Variants in TAFA1 observed in about 807,000 individuals in gnomAD.
The protein encoded by TAFA1 is chemokine-like protein TAFA-1.
A neutral mutation model predicts 18.5 loss-of-function variants in TAFA1; 4 were observed. The observed-to-expected ratio is 0.22, with a 90% CI of 0.11 to 0.49. TAFA1 has a LOEUF of 0.49. Ranked by LOEUF, TAFA1 falls within the 20% of genes least tolerant of loss-of-function variation. The pLI, the probability that TAFA1 is intolerant of heterozygous loss-of-function variation, is 0.98. For synonymous variants in TAFA1, 56 were observed against 55.2 expected, an observed-to-expected ratio of 1.01 and a Z score of -0.06; for missense variants, 147 against 169.0, an observed-to-expected ratio of 0.87 and a Z score of 0.72.
At chr3:68,474,346 C>T (rs2072052769) in intron 3 of TAFA1, among the ~76,000 whole-genome samples, 2 of 152,176 alleles carry the variant, frequency 1.3e-5, no homozygotes, top group African/African-American at 4.8e-5. Flanking sequence ...AAACACTTGT[C>T]CATTCATCCA....
At chr3:68,423,689 G>T (rs2071002350) in intron 3 of TAFA1, among the ~76,000 whole-genome samples, 1 of 151,736 alleles carries the variant, frequency 6.6e-6, no homozygotes, top group African/African-American at 2.4e-5. Context: ...ATTGTTTAAG[G>T]CATAGTGGGA....
intron 2 of TAFA1, among the ~76,000 whole-genome samples, chr3:68,354,880 C>A (rs1284949838): frequency 6.6e-6 from 1 of 151,974 alleles, no homozygotes; most frequent in Non-Finnish European, 1.5e-5. Flanking sequence ...TTCAAGAGGG[C>A]AGAGCCTTTA....
intron 2 of TAFA1, among the ~76,000 whole-genome samples, chr3:68,043,896 C>A (rs144627655): frequency 1.3e-5 from 2 of 151,508 alleles, no homozygotes; most frequent in South Asian, 4.2e-4. Flanking sequence ...GCACAATGTG[C>A]GGGTTTGTTA....
intron 2 of TAFA1, among the ~76,000 whole-genome samples, chr3:68,017,409 G>A (rs974278242): frequency 6.6e-6 from 1 of 152,182 alleles, no homozygotes; most frequent in African/African-American, 2.4e-5. Flanking sequence ...TCTATCACCA[G>A]CTTAGGTTAA....
Position 68,004,383 on chromosome 3 carries a change from C to G in TAFA1, c.-323C>G, listed in dbSNP as rs544091791. The G allele has an allele frequency of 6.6e-6, 1 of 152,228 alleles. No individual in the cohort carries two copies. Among genetic ancestry groups the G allele is most frequent in the African/African-American group, 2.4e-5 (1 of 41,534 alleles). 9.4% of individuals were successfully genotyped at this position (152,228 alleles called of 1,614,324 possible). On this transcript the variant is annotated 5_prime_UTR_variant, in exon 1 of 5. The change creates a new upstream start codon in the 5' untranslated region. Coordinates refer to ENST00000478136, the MANE Select transcript of TAFA1 (RefSeq NM_213609.4). ...TTCTCATCAGGAAACTGCACATTAT[C>G]TCCCCATCACTTCAAAGGTCTCGTC...
intron 2 of TAFA1, among the ~76,000 whole-genome samples, chr3:68,015,694 AC>A (rs1358523006): frequency 6.6e-6 from 1 of 152,198 alleles, no homozygotes; most frequent in African/African-American, 2.4e-5. Flanking sequence ...TTAATTTAAT[AC>A]TTTATGAAAG....
intron 2 of TAFA1, chr3:68,250,741 A>G (rs1008218224): frequency 9.2e-5 from 14 of 151,680 alleles, no homozygotes; most frequent in Admixed American, 5.9e-4. Flanking sequence ...AATTAGCTAA[A>G]TTGGGCAAGC....
intron 3 of TAFA1, among the ~76,000 whole-genome samples, chr3:68,526,366 C>G (rs190074675): frequency 3.9e-5 from 6 of 152,212 alleles, no homozygotes; most frequent in African/African-American, 1.4e-4. Flanking sequence ...TCAATCTTCT[C>G]TAGTGGGAGT....
At chr3:68,325,808 T>C (rs2068767552) in intron 2 of TAFA1, among the ~76,000 whole-genome samples, 1 of 152,166 alleles carries the variant, frequency 6.6e-6, no homozygotes, top group African/African-American at 2.4e-5. Flanking sequence ...TCTGTAAGAA[T>C]CCCAGAGGCT....
chr3:68,267,594 A>G (rs1157737007), intron 2 of TAFA1, among the ~76,000 whole-genome samples: 1 of 152,170 alleles, frequency 6.6e-6, no homozygotes, highest in Non-Finnish European at 1.5e-5. Context: ...ATTTTCCTTC[A>G]TGAAAAGATA....
chr3:68,192,523 A>AG, intron 2 of TAFA1: 1 of 180,204 alleles, frequency 5.5e-6, no homozygotes, highest in African/African-American at 2.4e-5. Flanking sequence ...TGAATTTGAC[A>AG]GGAGCATCTC....
At chr3:68,100,459 G>T (rs2065134863) in intron 2 of TAFA1, among the ~76,000 whole-genome samples, 1 of 152,180 alleles carries the variant, frequency 6.6e-6, no homozygotes, top group African/African-American at 2.4e-5. Flanking sequence ...GGGCAACAGA[G>T]GGTGTTGGTT....
At chr3:68,434,652 GA>G (rs2071238668) in intron 3 of TAFA1, among the ~76,000 whole-genome samples, 1 of 152,060 alleles carries the variant, frequency 6.6e-6, no homozygotes, top group Non-Finnish European at 1.5e-5. Flanking sequence ...CATAACTTGT[GA>G]CCAAAGGTAG....
At chr3:68,079,852 A>T (rs2064873891) in intron 2 of TAFA1, among the ~76,000 whole-genome samples, 1 of 152,086 alleles carries the variant, frequency 6.6e-6, no homozygotes, top group Admixed American at 6.5e-5. Flanking sequence ...AGCTGAGTTC[A>T]ATTCCTGGGT....
chr3:68,447,646 GCA>G (rs1288563877), intron 3 of TAFA1, among the ~76,000 whole-genome samples: 3 of 152,146 alleles, frequency 2.0e-5, no homozygotes, highest in Non-Finnish European at 4.4e-5. Context: ...ATATACATTT[GCA>G]CAGAGTAGTG....
chr3:68,132,295 T>C (rs145764072), intron 2 of TAFA1, among the ~76,000 whole-genome samples: 19 of 152,314 alleles, frequency 1.2e-4, no homozygotes, highest in Non-Finnish European at 1.5e-5. Flanking sequence ...GACATTTGGG[T>C]TGGTTCCAAG....
At chr3:68,295,711 A>G (rs1242654539) in intron 2 of TAFA1, among the ~76,000 whole-genome samples, 5 of 152,170 alleles carry the variant, frequency 3.3e-5, no homozygotes, top group African/African-American at 9.7e-5. Flanking sequence ...GGCACAAACA[A>G]TCCTTCTGCC....
At chr3:68,097,322 C>T (rs567577766) in intron 2 of TAFA1, among the ~76,000 whole-genome samples, 1 of 152,228 alleles carries the variant, frequency 6.6e-6, no homozygotes, top group African/African-American at 2.4e-5. Flanking sequence ...TTCAAGGCCA[C>T]AACAATTATG....
chr3:68,411,636 G>T (rs1194067776), intron 2 of TAFA1, among the ~76,000 whole-genome samples: 1 of 152,092 alleles, frequency 6.6e-6, no homozygotes, highest in Non-Finnish European at 1.5e-5. Flanking sequence ...AAGAATCTCT[G>T]TGAAGAATAG....
Sources: gnomAD v4.1 joint callset for allele counts (sites outside exome capture counted in the v4.1 genomes callset) on GRCh38, gnomAD v4.1.1 for gene constraint, MANE v1.5 for transcripts, NCBI Gene and HGNC (gene_info 2026-07-23, HGNC 2026-07-21) for gene names.